C10orf90: variants seen among roughly 807,000 people sequenced by gnomAD.
The protein encoded by C10orf90 is (E2-independent) E3 ubiquitin-conjugating enzyme FATS.
In C10orf90, 56 loss-of-function variants were observed where a neutral mutation model predicts 62.5. The ratio of observed to expected loss-of-function variants is 0.90; its 90% CI spans 0.72 to 1.12. The LOEUF (loss-of-function observed/expected upper bound fraction) is 1.12, where lower values mean the gene tolerates loss of function less well. Ranked by LOEUF, C10orf90 falls within the 50% of genes most tolerant of loss-of-function variation. The pLI, the probability that C10orf90 is intolerant of heterozygous loss-of-function variation, is 0.00. For missense variants in C10orf90, 970 were observed against 880.4 expected (o/e 1.10, Z -1.29); for synonymous variants, 386 against 340.4 (o/e 1.13, Z -1.47).
At chr10:126,444,543 C>T (rs1048028286) in intron 7 of C10orf90, among the ~76,000 whole-genome samples, 2 of 152,140 alleles carry the variant, frequency 1.3e-5, no homozygotes, top group Admixed American at 6.5e-5. Context: ...AATGGAAATA[C>T]ATCCCATGCT....
intron 4 of C10orf90, among the ~76,000 whole-genome samples, chr10:126,493,642 A>T (rs1861881685): frequency 6.6e-6 from 1 of 152,300 alleles, no homozygotes; most frequent in Non-Finnish European, 1.5e-5. Flanking sequence ...AGGAGTGAGC[A>T]GCCAAGCCTG....
intron 1 of C10orf90, among the ~76,000 whole-genome samples, chr10:126,648,287 T>G (rs913482801): frequency 5.3e-5 from 8 of 152,178 alleles, no homozygotes; most frequent in Admixed American, 1.3e-4. Flanking sequence ...AAAAGGAATG[T>G]TTTTGAGGAT....
intron 4 of C10orf90, among the ~76,000 whole-genome samples, chr10:126,489,995 TATTA>T (rs1861638241): frequency 9.9e-6 from 1 of 100,694 alleles, no homozygotes; most frequent in South Asian, 3.0e-4. Context: ...ATATAATATA[TATTA>T]TATATTATAT....
intron 2 of C10orf90, among the ~76,000 whole-genome samples, chr10:126,528,545 C>G (rs774036050): frequency 6.6e-6 from 1 of 152,292 alleles, no homozygotes; most frequent in East Asian, 1.9e-4. Context: ...GTTCTGAGAT[C>G]ATGAGAAACA....
At chr10:126,447,738 C>T (rs907545007) in intron 7 of C10orf90, among the ~76,000 whole-genome samples, 1 of 152,166 alleles carries the variant, frequency 6.6e-6, no homozygotes, top group Admixed American at 6.5e-5. Context: ...ATATTCTTCT[C>T]AAGTGTACAT....
At chr10:126,556,072 A>G (rs1228095527) in intron 2 of C10orf90, among the ~76,000 whole-genome samples, 4 of 152,184 alleles carry the variant, frequency 2.6e-5, no homozygotes, top group Admixed American at 6.5e-5. Flanking sequence ...CCTGCATCAG[A>G]TGATAAACGA....
chr10:126,439,872 C>T (rs1308691670), intron 7 of C10orf90, among the ~76,000 whole-genome samples: 1 of 152,060 alleles, frequency 6.6e-6, no homozygotes, highest in Non-Finnish European at 1.5e-5. Context: ...AAGCAAAATA[C>T]AGGGGTAGAG....
intron 2 of C10orf90, among the ~76,000 whole-genome samples, chr10:126,576,003 T>C (rs1440765488): frequency 6.6e-6 from 1 of 151,888 alleles, no homozygotes; most frequent in Non-Finnish European, 1.5e-5. Context: ...CTTCAGGATG[T>C]TGGTAAGGGA....
At chr10:126,513,771 C>T (rs1304548042) in intron 3 of C10orf90, 77 bp downstream of exon 3, 3 of 890,666 alleles carry the variant, frequency 3.4e-6, no homozygotes, top group Non-Finnish European at 5.5e-6. Flanking sequence ...GCAATCACAT[C>T]ACAAGTAGGT....
intron 1 of C10orf90, among the ~76,000 whole-genome samples, chr10:126,649,222 A>T (rs1000203489): frequency 2.6e-5 from 4 of 152,132 alleles, no homozygotes; most frequent in Non-Finnish European, 5.9e-5. Flanking sequence ...TGATTCAGGA[A>T]CTTCTTTCGT....
chr10:126,592,305 T>C (rs1401254446), intron 2 of C10orf90, among the ~76,000 whole-genome samples: 1 of 152,036 alleles, frequency 6.6e-6, no homozygotes, highest in East Asian at 1.9e-4. Context: ...TATATAAGGC[T>C]ACAGTAACCA....
chr10:126,663,474 T>C (rs1274400809), intron 1 of C10orf90, among the ~76,000 whole-genome samples: 3 of 152,200 alleles, frequency 2.0e-5, no homozygotes, highest in Non-Finnish European at 1.5e-5. Flanking sequence ...ATTTTCTCTT[T>C]GGAAAAATAG....
intron 1 of C10orf90, among the ~76,000 whole-genome samples, chr10:126,669,795 A>G (rs1009769857): frequency 3.3e-5 from 5 of 151,604 alleles, no homozygotes; most frequent in Non-Finnish European, 5.9e-5. Flanking sequence ...AACTTGAATC[A>G]TTCTATTTTA....
intron 4 of C10orf90, among the ~76,000 whole-genome samples, chr10:126,474,981 G>A (rs1465151986): frequency 6.6e-6 from 1 of 152,232 alleles, no homozygotes; most frequent in Non-Finnish European, 1.5e-5. Context: ...CCCTTCCATA[G>A]AAGGAATGGA....
At chr10:126,595,465 C>A (rs1845065033) in intron 2 of C10orf90, among the ~76,000 whole-genome samples, 1 of 152,180 alleles carries the variant, frequency 6.6e-6, no homozygotes, top group African/African-American at 2.4e-5. Context: ...TTAAGTGTTA[C>A]TCATTTTCAA....
intron 2 of C10orf90, among the ~76,000 whole-genome samples, chr10:126,568,084 T>G (rs948061701): frequency 1.3e-5 from 2 of 152,062 alleles, no homozygotes; most frequent in African/African-American, 4.8e-5. Context: ...ACCTAAAAGG[T>G]GGGCAAATCT....
intron 4 of C10orf90, among the ~76,000 whole-genome samples, chr10:126,471,081 G>A (rs1286321356): frequency 6.6e-6 from 1 of 152,224 alleles, no homozygotes; most frequent in East Asian, 1.9e-4. Flanking sequence ...GGAGGAGGCG[G>A]ATAGCAAATG....
In C10orf90 at chr10:126,464,956, TTGC is replaced by T. The variant is rs1397745914; in HGVS notation, c.1562_1564del (p.Ser521del). On this transcript the variant is annotated inframe_deletion, in exon 5 of 10. Transcript: ENST00000488181. ...CATACATACTTCTCCTTGTTGCCTCTTGCTGCTTCCAGAAAATACTTTTGTGTG... is the reference window on the plus strand; with the variant it reads ...CATACATACTTCTCCTTGTTGCCTCTTGCTTCCAGAAAATACTTTTGTGTG... 1.3e-6 allele frequency: 2 copies of T among 1,595,256 alleles called. No individual in the cohort carries two copies. Among genetic ancestry groups the T allele is most frequent in the East Asian group, 2.3e-5 (1 of 44,328 alleles).
chr10:126,583,994 C>T (rs1844806670), intron 2 of C10orf90, among the ~76,000 whole-genome samples: 1 of 152,066 alleles, frequency 6.6e-6, no homozygotes, highest in South Asian at 2.1e-4. Context: ...GTGACTCATG[C>T]CTGTAGTCCC....
Sources: gnomAD v4.1 joint callset for allele counts (sites outside exome capture counted in the v4.1 genomes callset) on GRCh38, gnomAD v4.1.1 for gene constraint, MANE v1.5 for transcripts, NCBI Gene and HGNC (gene_info 2026-07-23, HGNC 2026-07-21) for gene names.